Variants in PDE1C observed in about 807,000 individuals in gnomAD.
PDE1C encodes the protein dual specificity calcium/calmodulin-dependent 3',5'-cyclic nucleotide phosphodiesterase 1C.
Under a neutral mutation model 93.1 loss-of-function variants are expected in PDE1C, and 62 were observed. The ratio of observed to expected loss-of-function variants is 0.67; its 90% CI spans 0.54 to 0.82. The LOEUF (loss-of-function observed/expected upper bound fraction) is 0.82, where lower values mean the gene tolerates loss of function less well. PDE1C is among the 40% of genes least tolerant of loss of function. PDE1C has a pLI of 0.00. For synonymous variants in PDE1C, 325 were observed against 310.1 expected (o/e 1.05, Z -0.50); for missense variants, 742 against 884.6 (o/e 0.84, Z 2.04).
At chr7:31,869,720 G>T (rs1795703296) in intron 6 of PDE1C, among the ~76,000 whole-genome samples, 1 of 151,990 alleles carries the variant, frequency 6.6e-6, no homozygotes, top group African/African-American at 2.4e-5. Context: ...CATCTATACA[G>T]AAAATCAACA....
At chr7:31,886,495 G>C (rs1420766350) in intron 2 of PDE1C, among the ~76,000 whole-genome samples, 1 of 152,190 alleles carries the variant, frequency 6.6e-6, no homozygotes, top group Non-Finnish European at 1.5e-5. Flanking sequence ...TAGGCTCTAG[G>C]AATACAAAGT....
chr7:32,054,117 G>C (rs199683074), intron 1 of PDE1C, among the ~76,000 whole-genome samples: 2 of 151,788 alleles, frequency 1.3e-5, no homozygotes, highest in African/African-American at 4.8e-5. Context: ...TTATATTTTA[G>C]AAAAGATGAT....
intron 1 of PDE1C, among the ~76,000 whole-genome samples, chr7:32,410,359 G>C (rs1236898116): frequency 6.6e-6 from 1 of 150,478 alleles, no homozygotes; most frequent in Non-Finnish European, 1.5e-5. Context: ...GAAAAGGAGG[G>C]TGAGGGCGGG....
rs573634346 is a variant in PDE1C, at chr7:32,419,552, G to A, written c.310+8270C>T. Among the ~76,000 whole-genome samples the A allele has an allele frequency of 5.9e-5, 9 of 152,260 alleles. No homozygotes were observed. In the South Asian group the frequency reaches 1.5e-3, roughly 25 times the overall value. On this transcript the variant is annotated intron_variant, in intron 1 of 1. Transcript: ENST00000672256. Reference sequence around the variant, plus strand: ...AAACCTGAAATTAGTTACTGTTCTGGCAGTGAGTGGAGGGCACGGCAGGCT... The same window carrying A: ...AAACCTGAAATTAGTTACTGTTCTGACAGTGAGTGGAGGGCACGGCAGGCT...
chr7:32,025,284 C>T (rs563319071), intron 2 of PDE1C, among the ~76,000 whole-genome samples: 8 of 152,108 alleles, frequency 5.3e-5, no homozygotes, highest in African/African-American at 9.6e-5. Flanking sequence ...GCAGTACAAG[C>T]GAGAGGTCCA....
chr7:31,730,525 C>A, the PDE1C span, among the ~76,000 whole-genome samples: 1 of 152,190 alleles, frequency 6.6e-6, no homozygotes, highest in Non-Finnish European at 1.5e-5. Context: ...CTGAGAATTG[C>A]CCCTGTGCAG....
At chr7:32,211,253 C>T (rs1282143756) in intron 1 of PDE1C, among the ~76,000 whole-genome samples, 1 of 151,958 alleles carries the variant, frequency 6.6e-6, no homozygotes, top group African/African-American at 2.4e-5. Context: ...ACACTCTGCA[C>T]CAAATACATT....
intron 1 of PDE1C, among the ~76,000 whole-genome samples, chr7:32,370,721 G>A (rs1784314959): frequency 6.6e-6 from 1 of 151,876 alleles, no homozygotes; most frequent in Non-Finnish European, 1.5e-5. Context: ...CACCAACATG[G>A]CACATGTATA....
At chr7:31,617,712 C>A in the PDE1C span, among the ~76,000 whole-genome samples, 2 of 151,822 alleles carry the variant, frequency 1.3e-5, no homozygotes, top group Non-Finnish European at 2.9e-5. Flanking sequence ...TCCCTCCGAC[C>A]CCCACAGTAC....
chr7:31,829,613 G>C (rs552116791), intron 11 of PDE1C, among the ~76,000 whole-genome samples: 23 of 152,126 alleles, frequency 1.5e-4, no homozygotes, highest in Non-Finnish European at 2.8e-4. Flanking sequence ...GTCTGAGGCA[G>C]CTCAACAGTG....
the PDE1C span, chr7:31,643,799 A>T: frequency 1.2e-6 from 2 of 1,613,922 alleles, no homozygotes; most frequent in Middle Eastern, 1.6e-4. Context: ...ATCTGCTGTC[A>T]TCACCACCCT....
chr7:31,813,007 C>T (rs1226096648), intron 15 of PDE1C, among the ~76,000 whole-genome samples: 1 of 152,112 alleles, frequency 6.6e-6, no homozygotes. Context: ...TTTTCTACCT[C>T]ATAGAATTGT....
At chr7:31,897,054 G>A (rs2128911818) in intron 2 of PDE1C, among the ~76,000 whole-genome samples, 1 of 152,340 alleles carries the variant, frequency 6.6e-6, no homozygotes, top group Non-Finnish European at 1.5e-5. Flanking sequence ...TTACACTGAT[G>A]TGCGCTTAGA....
chr7:32,310,336 G>C (rs144103603), intron 1 of PDE1C, among the ~76,000 whole-genome samples: 1 of 151,962 alleles, frequency 6.6e-6, no homozygotes, highest in African/African-American at 2.4e-5. Flanking sequence ...ACATTAGACC[G>C]ATCAATGAGA....
chr7:32,197,881 T>C (rs1584942922), intron 2 of PDE1C, among the ~76,000 whole-genome samples: 1 of 152,202 alleles, frequency 6.6e-6, no homozygotes, highest in Admixed American at 6.5e-5. Context: ...ATTATGTTGA[T>C]GATGGTGGCA....
intron 2 of PDE1C, among the ~76,000 whole-genome samples, chr7:31,970,219 C>T (rs942485245): frequency 4.6e-5 from 7 of 152,242 alleles, no homozygotes; most frequent in East Asian, 1.9e-4. Flanking sequence ...CCAAAACAAA[C>T]GAGCTGACAT....
chr7:32,297,722 C>A (rs2128900402), intron 1 of PDE1C, among the ~76,000 whole-genome samples: 1 of 152,190 alleles, frequency 6.6e-6, no homozygotes, highest in East Asian at 1.9e-4. Flanking sequence ...AAAACAGGAG[C>A]CACTGGGAGT....
At chr7:32,303,605 C>T (rs1374693549), upstream of PDE1C, among the ~76,000 whole-genome samples, 1 of 152,026 alleles carries the variant, frequency 6.6e-6, no homozygotes, top group African/African-American at 2.4e-5. Context: ...ATAAATTAGA[C>T]CCAGGAATGG....
At chr7:32,232,603 A>G (rs1340133661) in intron 1 of PDE1C, among the ~76,000 whole-genome samples, 1 of 152,186 alleles carries the variant, frequency 6.6e-6, no homozygotes, top group East Asian at 1.9e-4. Context: ...GGGACCCAAA[A>G]CACATGAGGG....
Sources: gnomAD v4.1 joint callset for allele counts (sites outside exome capture counted in the v4.1 genomes callset) on GRCh38, gnomAD v4.1.1 for gene constraint, MANE v1.5 for transcripts, NCBI Gene and HGNC (gene_info 2026-07-23, HGNC 2026-07-21) for gene names.